TUBGCP3: variants seen among roughly 807,000 people sequenced by gnomAD.
TUBGCP3 encodes the protein tubulin gamma complex component 3.
TUBGCP3 carries 50 observed loss-of-function variants against 123.1 expected under a neutral mutation model. The observed-to-expected ratio is 0.41, with a 90% CI of 0.32 to 0.51. The LOEUF is 0.51. Ranked by LOEUF, TUBGCP3 falls within the 20% of genes least tolerant of loss-of-function variation. The pLI, the probability that TUBGCP3 is intolerant of heterozygous loss-of-function variation, is 0.36. For missense variants in TUBGCP3, 882 were observed against 1,127.0 expected, an observed-to-expected ratio of 0.78 and a Z score of 3.11; for synonymous variants, 405 against 413.9, an observed-to-expected ratio of 0.98 and a Z score of 0.26.
rs1160997698 is a variant in TUBGCP3, at chr13:112,508,420, G to A, written c.2087-3706C>T. ...TCTTTAAATTTTCAGATGCCATATG[G>A]CAGCCCAGAAGGGGCCTGTTAGTTG... On this transcript the variant is annotated intron_variant, in intron 17 of 21. Coordinates refer to ENST00000261965, the MANE Select transcript of TUBGCP3 (RefSeq NM_006322.6). The surrounding 1 kb of genome is among the most constrained non-coding windows in gnomAD (Gnocchi z 4.2). Among the ~76,000 whole-genome samples the A allele has an allele frequency of 1.3e-5, 2 of 152,130 alleles. No individual in the cohort carries two copies. The highest frequency in any genetic ancestry group is 4.8e-5 in the African/African-American group (2 of 41,434).
chr13:112,510,304 G>C (rs920633647), intron 17 of TUBGCP3, among the ~76,000 whole-genome samples: 7 of 152,124 alleles, frequency 4.6e-5, no homozygotes, highest in Non-Finnish European at 1.0e-4. Context: ...AGATAGCATC[G>C]AGTACTGCTA....
At chr13:112,513,563 T>C (rs535996605) in intron 17 of TUBGCP3, among the ~76,000 whole-genome samples, 1 of 152,364 alleles carries the variant, frequency 6.6e-6, no homozygotes, top group South Asian at 2.1e-4. Context: ...ACCACGCCCA[T>C]ACAAGGCCCC....
chr13:112,578,360 C>T (rs973122396), intron 1 of TUBGCP3, among the ~76,000 whole-genome samples: 2 of 151,242 alleles, frequency 1.3e-5, no homozygotes, highest in East Asian at 3.9e-4. Flanking sequence ...GAGATCGAGA[C>T]CATCCTGGCT....
chr13:112,541,267 C>A (rs774343864), intron 11 of TUBGCP3, among the ~76,000 whole-genome samples: 1 of 152,172 alleles, frequency 6.6e-6, no homozygotes, highest in Non-Finnish European at 1.5e-5. Flanking sequence ...AATGGCCAGG[C>A]GTGGTGGCTC....
chr13:112,565,007 T>C, intron 3 of TUBGCP3, 104 bp downstream of exon 3: 2 of 929,552 alleles, frequency 2.2e-6, no homozygotes, highest in East Asian at 2.8e-5. Context: ...TTACCAATTA[T>C]AGAAAAGTTT....
chr13:112,579,262 C>A, intron 1 of TUBGCP3, among the ~76,000 whole-genome samples: 1 of 152,244 alleles, frequency 6.6e-6, no homozygotes, highest in East Asian at 1.9e-4. Context: ...GATTAAAAAC[C>A]ACTAACACTG....
At chr13:112,595,675 T>C in the TUBGCP3 span, among the ~76,000 whole-genome samples, 4 of 152,198 alleles carry the variant, frequency 2.6e-5, no homozygotes. Flanking sequence ...TTTTCTATTT[T>C]TTTCCCCTTT....
intron 11 of TUBGCP3, among the ~76,000 whole-genome samples, chr13:112,538,794 A>G (rs1222427834): frequency 6.6e-6 from 1 of 152,228 alleles, no homozygotes; most frequent in East Asian, 1.9e-4. Flanking sequence ...AAAAAATGCA[A>G]TTTTACAACA....
chr13:112,555,153 TGA>T (rs1402613221), intron 6 of TUBGCP3, 148 bp from the exon 7 acceptor site: 2 of 599,180 alleles, frequency 3.3e-6, no homozygotes, highest in Non-Finnish European at 5.8e-6. Flanking sequence ...AAAAAGAGTA[TGA>T]GATTAGAAAG....
chr13:112,501,639 A>AT lies in TUBGCP3; in HGVS notation c.2307+2392dup, dbSNP rs569180855. On this transcript the variant is annotated intron_variant, in intron 19 of 21. Transcript: ENST00000261965. ...TTAAAATTGCTTATGTCAATAATAG[A>AT]TTGTTTTAATCTGCTTTACATACTG... 1.1e-4 allele frequency among the ~76,000 whole-genome samples: 16 copies of AT among 152,326 alleles called. No homozygotes were observed. The South Asian group carries it at 3.3e-3, about 32-fold the overall frequency.
At chr13:112,562,509 T>C (rs768192636) in intron 3 of TUBGCP3, among the ~76,000 whole-genome samples, 18 of 152,082 alleles carry the variant, frequency 1.2e-4, no homozygotes, top group Non-Finnish European at 1.9e-4. Flanking sequence ...GTGTCACCCC[T>C]CTCCCAACTC....
upstream of TUBGCP3, among the ~76,000 whole-genome samples, chr13:112,592,827 C>T (rs1266878628): frequency 1.3e-5 from 2 of 152,156 alleles, no homozygotes; most frequent in African/African-American, 4.8e-5. The surrounding 1 kb of genome is among the most constrained non-coding windows in gnomAD (Gnocchi z 4.1). Context: ...TGGCCACACA[C>T]CATGAGGCAG....
intron 3 of TUBGCP3, among the ~76,000 whole-genome samples, chr13:112,561,811 A>C (rs1246250992): frequency 6.6e-6 from 1 of 152,178 alleles, no homozygotes; most frequent in African/African-American, 2.4e-5. Context: ...TAAAAATCTC[A>C]GATTATATTT....
chr13:112,580,238 G>A (rs1467362668), intron 1 of TUBGCP3, among the ~76,000 whole-genome samples: 2 of 152,090 alleles, frequency 1.3e-5, no homozygotes, highest in African/African-American at 4.8e-5. Flanking sequence ...CTAAATAGCA[G>A]AATGGAGATA....
chr13:112,595,249 T>A, the TUBGCP3 span, among the ~76,000 whole-genome samples: 1 of 151,720 alleles, frequency 6.6e-6, no homozygotes, highest in African/African-American at 2.4e-5. Context: ...CAGGCTGGAG[T>A]GCAGTGGTGC....
chr13:112,555,069 T>C (rs1879915420), intron 6 of TUBGCP3, 64 bp from the exon 7 acceptor site: 4 of 1,030,356 alleles, frequency 3.9e-6, no homozygotes, highest in Non-Finnish European at 2.9e-6. Context: ...ATAGATATTA[T>C]GGTGCAATTA....
At chr13:112,498,932 T>C (rs1289173874) in intron 20 of TUBGCP3, 113 bp downstream of exon 20, 1 of 1,614,080 alleles carries the variant, frequency 6.2e-7, no homozygotes, top group South Asian at 1.1e-5. Flanking sequence ...TAGGCACATC[T>C]CAACCTGTCT....
intron 20 of TUBGCP3, 24 bp downstream of exon 20, chr13:112,499,021 A>C (rs1054825428): frequency 6.2e-7 from 1 of 1,614,148 alleles, no homozygotes. Context: ...CAAATAGATA[A>C]ATTCACAAGT....
intron 11 of TUBGCP3, among the ~76,000 whole-genome samples, chr13:112,527,952 A>T (rs537623405): frequency 9.8e-5 from 15 of 152,338 alleles, no homozygotes; most frequent in Middle Eastern, 6.8e-3. Flanking sequence ...ACAAGTCCCA[A>T]GCTCTATGGG....
Sources: gnomAD v4.1 joint callset for allele counts (sites outside exome capture counted in the v4.1 genomes callset) on GRCh38, gnomAD v4.1.1 for gene constraint, Gnocchi (gnomAD v3.1) non-coding constraint, MANE v1.5 for transcripts, NCBI Gene and HGNC (gene_info 2026-07-23, HGNC 2026-07-21) for gene names.